The following ZNF516 variants were observed in gnomAD, a reference collection of about 807,000 sequenced individuals.
ZNF516 encodes the protein zinc finger protein 516.
A neutral mutation model predicts 79.7 loss-of-function variants in ZNF516; 19 were observed. That is an observed-to-expected ratio of 0.24 (90% CI 0.17 to 0.35). The LOEUF (loss-of-function observed/expected upper bound fraction) is 0.35. ZNF516 is among the 10% of genes least tolerant of loss of function. The pLI is 1.00. For missense variants in ZNF516, 1,678 were observed against 1,679.5 expected, an observed-to-expected ratio of 1.00 and a Z score of 0.02; for synonymous variants, 877 against 739.5, an observed-to-expected ratio of 1.19 and a Z score of -3.02.
intron 3 of ZNF516, among the ~76,000 whole-genome samples, chr18:76,432,762 C>T (rs2075679287): frequency 6.6e-6 from 1 of 152,262 alleles, no homozygotes; most frequent in Non-Finnish European, 1.5e-5. Context: ...CCGTGACAGT[C>T]TGGGGCCCAG....
chr18:76,449,857 T>G (rs1912286251), intron 2 of ZNF516, among the ~76,000 whole-genome samples: 1 of 152,226 alleles, frequency 6.6e-6, no homozygotes, highest in Non-Finnish European at 1.5e-5. Flanking sequence ...AACACCTCTA[T>G]ATTCACTGGG....
chr18:76,458,653 C>CGTGTGCGTGCCTCACCGTCGT (rs1178331508), intron 2 of ZNF516, among the ~76,000 whole-genome samples: 91 of 126,994 alleles, frequency 7.2e-4, no homozygotes, highest in African/African-American at 1.9e-3. Context: ...CACCGTCGTG[C>CGTGTGCGTGCCTCACCGTCGT]GTGTGCGTGC....
chr18:76,397,202 C>T (rs2075159493), intron 3 of ZNF516, among the ~76,000 whole-genome samples: 1 of 152,184 alleles, frequency 6.6e-6, no homozygotes, highest in East Asian at 1.9e-4. Flanking sequence ...AAAGTGACAG[C>T]GTGGGTCTTG....
chr18:76,458,874 C>T (rs886683978), intron 2 of ZNF516, among the ~76,000 whole-genome samples: 6 of 152,086 alleles, frequency 3.9e-5, no homozygotes, highest in African/African-American at 1.4e-4. Flanking sequence ...CCAGGCCTCA[C>T]CGTCGTGTGT....
intron 2 of ZNF516, among the ~76,000 whole-genome samples, chr18:76,454,840 G>C (rs1912622651): frequency 6.6e-6 from 1 of 152,160 alleles, no homozygotes; most frequent in African/African-American, 2.4e-5. Context: ...ACATTATTCA[G>C]CTACAAAAGT....
chr18:76,379,678 C>A lies in ZNF516; in HGVS notation c.2436G>T (p.Arg812=). ...SIRSNLVFLS[R]SGRTGPPPAL... ...CAGGCGGGGGGCCCGTGCGTCCGCT[C>A]CGGGAAAGGAAAACCAAATTGCTTC... Residue 812 remains arginine, a synonymous_variant, in exon 4 of 7, where the codon CGG becomes CGT. Coordinates refer to ENST00000443185, the MANE Select transcript of ZNF516 (RefSeq NM_014643.4). 6.2e-7 allele frequency: 1 copy of A among 1,613,608 alleles called. No homozygotes were observed. Among genetic ancestry groups the A allele is most frequent in the Non-Finnish European group, 8.5e-7 (1 of 1,179,890 alleles).
intron 1 of ZNF516, chr18:76,492,672 CACCAAGGCCAGAGAA>C: frequency 1.0e-6 from 1 of 969,766 alleles, no homozygotes; most frequent in Non-Finnish European, 1.2e-6. Flanking sequence ...CGTGCCCAGG[CACCAAGGCCAGAGAA>C]ACCGCACGTT....
upstream of ZNF516, chr18:76,495,924 A>C (rs1464312118): frequency 3.0e-6 from 1 of 338,366 alleles, no homozygotes; most frequent in African/African-American, 2.2e-5. Flanking sequence ...GAAAGACTTC[A>C]AACAGCGGCT....
intron 6 of ZNF516, among the ~76,000 whole-genome samples, chr18:76,366,161 TTTAA>T (rs1331064412): frequency 1.3e-5 from 2 of 152,246 alleles, no homozygotes; most frequent in Non-Finnish European, 2.9e-5. Flanking sequence ...TTAAACTGAC[TTTAA>T]TTATTTATTC....
rs1245242221 is a variant in ZNF516 at position 76,443,231 on chromosome 18, T to A, written c.-157-20A>T. The A allele has an allele frequency of 1.9e-5, 18 of 963,466 alleles. No homozygotes were observed. The highest frequency in any genetic ancestry group is 1.3e-4 in the Admixed American group (4 of 31,514). 59.7% of individuals were successfully genotyped at this position (963,466 alleles called of 1,614,324 possible). A position where few individuals can be genotyped will look rare whatever the true frequency, so the allele number is the denominator to read the frequency against. ...CAGCACCTGAAACAGAGATGGAACA[T>A]CATCAGCAAAGCTCCTGGCTAAGAG... On this transcript the variant is annotated intron_variant, in intron 2 of 6. Coordinates refer to ENST00000443185, the MANE Select transcript of ZNF516 (RefSeq NM_014643.4).
Position 76,361,774 on chromosome 18 carries a change from T to G in ZNF516, c.*724A>C, listed in dbSNP as rs2074540929. On this transcript the variant is annotated 3_prime_UTR_variant, in exon 7 of 7. Transcript: ENST00000443185. ...CTCTTCCGAGGCGGAATCTACGCAT[T>G]CCCACAGACGTGTCTCCTTTGCCAG... 1 of 152,176 alleles carries G rather than the reference T, an allele frequency of 6.6e-6. No individual in the cohort carries two copies. The highest frequency in any genetic ancestry group is 1.5e-5 in the Non-Finnish European group (1 of 68,038). 9.4% of individuals were successfully genotyped at this position (152,176 alleles called of 1,614,324 possible).
At chr18:76,365,832 G>A (rs899422783) in intron 6 of ZNF516, among the ~76,000 whole-genome samples, 7 of 152,184 alleles carry the variant, frequency 4.6e-5, no homozygotes, top group Middle Eastern at 3.2e-3. Context: ...GTCTACGATC[G>A]AGGCAAAAGA....
At chr18:76,478,708 A>G (rs1488960933) in intron 1 of ZNF516, among the ~76,000 whole-genome samples, 3 of 152,322 alleles carry the variant, frequency 2.0e-5, no homozygotes, top group Non-Finnish European at 2.9e-5. Flanking sequence ...GTACACTCTC[A>G]GTTCTGTATC....
chr18:76,368,497 C>G (rs1202433949), intron 6 of ZNF516, among the ~76,000 whole-genome samples: 1 of 151,370 alleles, frequency 6.6e-6, no homozygotes, highest in Non-Finnish European at 1.5e-5. Context: ...GCCTGAACTG[C>G]CACTGTCCTA....
intron 3 of ZNF516, among the ~76,000 whole-genome samples, chr18:76,425,158 A>T (rs77231249): frequency 6.6e-6 from 1 of 152,060 alleles, no homozygotes; most frequent in Non-Finnish European, 1.5e-5. Context: ...TACATCAATT[A>T]TACACCCATC....
chr18:76,490,417 C>T (rs1296684139), intron 1 of ZNF516, among the ~76,000 whole-genome samples: 1 of 152,188 alleles, frequency 6.6e-6, no homozygotes, highest in Admixed American at 6.5e-5. Flanking sequence ...GAAAATGAAG[C>T]TGGAACAAAT....
chr18:76,477,713 C>T (rs1420706326), intron 1 of ZNF516, among the ~76,000 whole-genome samples: 1 of 152,120 alleles, frequency 6.6e-6, no homozygotes, highest in Non-Finnish European at 1.5e-5. Context: ...GTAAAGGGTT[C>T]CTTTTTATCT....
At chr18:76,416,945 T>C (rs1329637828) in intron 3 of ZNF516, among the ~76,000 whole-genome samples, 1 of 151,972 alleles carries the variant, frequency 6.6e-6, no homozygotes, top group Non-Finnish European at 1.5e-5. Context: ...AAAAAACGAA[T>C]GCAGAAATAT....
intron 3 of ZNF516, among the ~76,000 whole-genome samples, chr18:76,408,398 C>G (rs1327879631): frequency 6.6e-6 from 1 of 152,176 alleles, no homozygotes; most frequent in Non-Finnish European, 1.5e-5. Context: ...ACTTGAGACC[C>G]TCCGGGAGTT....
Sources: gnomAD v4.1 joint callset for allele counts (sites outside exome capture counted in the v4.1 genomes callset) on GRCh38, gnomAD v4.1.1 for gene constraint, MANE v1.5 for transcripts, NCBI Gene and HGNC (gene_info 2026-07-23, HGNC 2026-07-21) for gene names.